DENND4A: variants seen among roughly 807,000 people sequenced by gnomAD.
The protein encoded by DENND4A is DENN domain containing 4A.
A neutral mutation model predicts 199.3 loss-of-function variants in DENND4A; 70 were observed. That is an observed-to-expected ratio of 0.35 (90% CI 0.29 to 0.43). The LOEUF (loss-of-function observed/expected upper bound fraction) is 0.43, where lower values mean the gene tolerates loss of function less well. DENND4A is among the 20% of genes least tolerant of loss of function. DENND4A has a pLI of 1.00. For synonymous variants in DENND4A, 686 were observed against 766.9 expected (o/e 0.89, Z 1.74); for missense variants, 1,723 against 2,255.8 (o/e 0.76, Z 4.78).
intron 21 of DENND4A, chr15:65,696,871 A>G (rs1368422691): frequency 6.1e-6 from 2 of 327,180 alleles, no homozygotes; most frequent in Non-Finnish European, 1.2e-5. Flanking sequence ...AACAAGGTTC[A>G]AGGGTGGCAC....
At chr15:65,755,553 G>T (rs566641784) in intron 3 of DENND4A, among the ~76,000 whole-genome samples, 1 of 152,062 alleles carries the variant, frequency 6.6e-6, no homozygotes, top group South Asian at 2.1e-4. Context: ...ATCACTTGAG[G>T]CCAGGAGTTT....
Position 65,669,813 on chromosome 15 carries a change from C to A in DENND4A, c.4753G>T (p.Ala1585Ser), listed in dbSNP as rs369864397. Residue 1585 changes from alanine (A) to serine (S), a missense_variant, in exon 27 of 33, where the codon GCT becomes TCT. By Grantham distance (99) the Ala-to-Ser change is moderately conservative. Transcript: ENST00000443035. ...TCAAAATTCCCTTGAACAGAGAGAGCAGATGTGTCAAGACCAGAGGCTGAT... is the reference window on the plus strand; with the variant it reads ...TCAAAATTCCCTTGAACAGAGAGAGAAGATGTGTCAAGACCAGAGGCTGAT... ...STSASGLDTS[A>S]LSVQGNFDLN... 1.8e-4 allele frequency: 288 copies of A among 1,613,266 alleles called. No individual in the cohort carries two copies. Among genetic ancestry groups the A allele is most frequent in the Non-Finnish European group, 2.3e-4 (277 of 1,179,544 alleles).
intron 22 of DENND4A, among the ~76,000 whole-genome samples, chr15:65,692,389 T>C (rs1186824651): frequency 1.3e-5 from 2 of 152,234 alleles, no homozygotes; most frequent in African/African-American, 2.4e-5. Context: ...TCTAGATCTC[T>C]GATCACTTTA....
At chr15:65,761,250 G>A (rs1280781845) in intron 2 of DENND4A, 110 bp downstream of exon 2, 2 of 152,120 alleles carry the variant, frequency 1.3e-5, no homozygotes, top group Non-Finnish European at 2.9e-5. Context: ...TTATTACATG[G>A]AGAATATATT....
chr15:65,748,930 C>T (rs2076486506), intron 4 of DENND4A, among the ~76,000 whole-genome samples: 1 of 150,204 alleles, frequency 6.7e-6, no homozygotes, highest in Non-Finnish European at 1.5e-5. Flanking sequence ...GAGGTCGAGG[C>T]TACAATGAGC....
chr15:65,727,175 G>A (rs1380042596), intron 11 of DENND4A, among the ~76,000 whole-genome samples: 3 of 151,446 alleles, frequency 2.0e-5, no homozygotes, highest in African/African-American at 7.3e-5. Context: ...AGGCATGACC[G>A]GGCGCGGTGG....
chr15:65,698,317 G>A (rs2077222857), intron 20 of DENND4A, among the ~76,000 whole-genome samples: 1 of 142,914 alleles, frequency 7.0e-6, no homozygotes, highest in Non-Finnish European at 1.5e-5. Flanking sequence ...CTAATACACT[G>A]TGTTGCTAAA....
At chr15:65,690,339 A>G (rs28513670) in intron 23 of DENND4A, 76 bp downstream of exon 23, 284,840 of 1,439,962 alleles carry the variant, frequency 0.2, 35,503 homozygotes, top group East Asian at 0.7. Flanking sequence ...AGAATAGTTA[A>G]AACGAGTAAG....
chr15:65,737,585 C>T (rs1268963489), intron 7 of DENND4A, 122 bp downstream of exon 7: 3 of 1,004,990 alleles, frequency 3.0e-6, no homozygotes, highest in East Asian at 5.3e-5. Context: ...TGAAATAAAC[C>T]ATTTTTTTCA....
In DENND4A at chr15:65,715,493, A is replaced by G; in HGVS notation, c.1938T>C (p.Asp646=). The change falls in exon 14 of 33, where the codon GAT becomes GAC. Residue 646 remains aspartate (D), a synonymous_variant. Coordinates refer to ENST00000443035, the MANE Select transcript of DENND4A (RefSeq NM_001320835.1). The part of the protein sequence containing the change: ...SDKDASLAFF[D]DCVDKVDMDK... ...TGTTACTTACTTTATCTACACAATC[A>G]TCAAAAAATGCCAGGCTTGCATCTT... is the stretch of plus-strand genomic sequence containing the variant. The G allele has an allele frequency of 6.2e-7, 1 of 1,610,366 alleles. No individual in the cohort carries two copies. The highest frequency in any genetic ancestry group is 8.5e-7 in the Non-Finnish European group (1 of 1,179,164).
At chr15:65,697,987 C>G (rs1282649501) in intron 20 of DENND4A, among the ~76,000 whole-genome samples, 1 of 152,122 alleles carries the variant, frequency 6.6e-6, no homozygotes, top group Admixed American at 6.5e-5. Context: ...AGCAGTGATT[C>G]ATGCCTATAA....
At position 65,667,060 on chromosome 15, in the gene DENND4A, G is replaced by A. The variant is rs369517781; in HGVS notation, c.5241+389C>T. 1.4e-3 allele frequency among the ~76,000 whole-genome samples: 207 copies of A among 152,140 alleles called. 2 individuals are homozygous for A. Among genetic ancestry groups the A allele is most frequent in the South Asian group, 6.0e-3 (29 of 4,816 alleles). On this transcript the variant is annotated intron_variant, in intron 29 of 32. Transcript: ENST00000443035. Reference sequence around the variant, plus strand: ...AAAATATTTAGCATAGGCTGGGCACGGTGGCTCACGCCTGTAATCCCAACA... The same window carrying A: ...AAAATATTTAGCATAGGCTGGGCACAGTGGCTCACGCCTGTAATCCCAACA...
At position 65,691,090 on chromosome 15, in the gene DENND4A, T is replaced by C; in HGVS notation, c.3504A>G (p.Glu1168=). ...ATACATCTGTTTCACTGTCTAAGTC[T>C]TCTAAGTCAAAAATAACAGGAGAAT... ...KVDSPVIFDL[E]DLDSETDVSK... Residue 1168 remains glutamate, a synonymous_variant, in exon 23 of 33, where the codon GAA becomes GAG. Transcript: ENST00000443035. 5 of 1,613,168 alleles carry C rather than the reference T, an allele frequency of 3.1e-6. No individual in the cohort carries two copies. Among genetic ancestry groups the C allele is most frequent in the Non-Finnish European group, 4.2e-6 (5 of 1,179,588 alleles).
chr15:65,680,491 T>G (rs1173651560), intron 23 of DENND4A: 1 of 152,186 alleles, frequency 6.6e-6, no homozygotes, highest in African/African-American at 2.4e-5. Context: ...AATTACTTAG[T>G]ATAAAAAATA....
chr15:65,723,925 C>T (rs1401115861), intron 11 of DENND4A, among the ~76,000 whole-genome samples: 3 of 152,064 alleles, frequency 2.0e-5, no homozygotes, highest in African/African-American at 7.2e-5. Context: ...GGACAGGCTC[C>T]TATAATCTCC....
In DENND4A at chr15:65,773,002, CAAAAAAAAAAAAA is replaced by C. The variant is rs61241995; in HGVS notation, c.-101-11577_-101-11565del. ...GAAATCAATTTCTATTGTTTCTAAG[CAAAAAAAAAAAAA>C]AAAAAAAAAAAAATCATTCTTAGAG... On this transcript the variant is annotated intron_variant, in intron 1 of 32. Coordinates refer to ENST00000443035, the MANE Select transcript of DENND4A (RefSeq NM_001320835.1). 1.2e-4 allele frequency among the ~76,000 whole-genome samples: 12 copies of C among 102,158 alleles called. No homozygotes were observed. In the East Asian group the frequency reaches 1.3e-3, roughly 11 times the overall value. 67.0% of individuals were successfully genotyped at this position (102,158 alleles called of 152,430 possible).
At position 65,690,750 on chromosome 15, in the gene DENND4A, TATTTA is replaced by T; in HGVS notation, c.3839_3843del (p.Leu1280Ter). 1 of 1,613,622 alleles carries T rather than the reference TATTTA, an allele frequency of 6.2e-7. No homozygotes were observed. Among genetic ancestry groups the T allele is most frequent in the Non-Finnish European group, 8.5e-7 (1 of 1,179,784 alleles). ...GCCTTGACCAATGGTGGACTTTTCT[TATTTA>T]ATTTATCATCACATGCCCGTTGTAA... On this transcript the variant is annotated frameshift_variant, in exon 23 of 33. Coordinates refer to ENST00000443035, the MANE Select transcript of DENND4A (RefSeq NM_001320835.1). LOFTEE classifies it high-confidence loss of function.
intron 1 of DENND4A, among the ~76,000 whole-genome samples, chr15:65,778,498 G>A (rs1298008536): frequency 6.8e-6 from 1 of 147,580 alleles, no homozygotes; most frequent in African/African-American, 2.5e-5. Context: ...AGTCATTACA[G>A]CTATACCTCA....
At chr15:65,725,404 C>T (rs566069608) in intron 11 of DENND4A, among the ~76,000 whole-genome samples, 2 of 152,042 alleles carry the variant, frequency 1.3e-5, no homozygotes, top group East Asian at 1.9e-4. Context: ...CGGCTGGGCG[C>T]GGTGGCTCAC....
Sources: gnomAD v4.1 joint callset for allele counts (sites outside exome capture counted in the v4.1 genomes callset) on GRCh38, gnomAD v4.1.1 for gene constraint, MANE v1.5 for transcripts, NCBI Gene and HGNC (gene_info 2026-07-23, HGNC 2026-07-21) for gene names.